The following HDGFL3 variants were observed in gnomAD, a reference collection of about 807,000 sequenced individuals.
The protein encoded by HDGFL3 is HDGF like 3, also known as hepatoma-derived growth factor-related protein 3.
Under a neutral mutation model 27.6 loss-of-function variants are expected in HDGFL3, and 6 were observed. The ratio of observed to expected loss-of-function variants is 0.22; its 90% CI spans 0.12 to 0.43. The LOEUF (loss-of-function observed/expected upper bound fraction) is 0.43. Ranked by LOEUF, HDGFL3 falls within the 20% of genes least tolerant of loss-of-function variation. HDGFL3 has a pLI of 1.00. For missense variants in HDGFL3, 207 were observed against 250.1 expected (o/e 0.83, Z 1.16); for synonymous variants, 88 against 88.9 (o/e 0.99, Z 0.05).
intron 1 of HDGFL3, among the ~76,000 whole-genome samples, chr15:83,167,659 T>C (rs183175338): frequency 2.0e-4 from 31 of 151,948 alleles, no homozygotes; most frequent in African/African-American, 6.0e-4. Flanking sequence ...ATGCCCAACA[T>C]TGGAGCACCC....
At chr15:83,180,459 C>G (rs2037366782) in intron 1 of HDGFL3, among the ~76,000 whole-genome samples, 1 of 151,968 alleles carries the variant, frequency 6.6e-6, no homozygotes, top group Admixed American at 6.6e-5. Context: ...GGGGAAAAAA[C>G]CCTAACATGT....
At chr15:83,205,734 T>C (rs1014461145) in intron 1 of HDGFL3, among the ~76,000 whole-genome samples, 9 of 152,222 alleles carry the variant, frequency 5.9e-5, no homozygotes, top group African/African-American at 2.2e-4. Flanking sequence ...AAGCTATACA[T>C]TTCTTACTTG....
At chr15:83,150,850 AATACTC>A (rs1386684239) in intron 5 of HDGFL3, among the ~76,000 whole-genome samples, 2 of 152,248 alleles carry the variant, frequency 1.3e-5, no homozygotes, top group Admixed American at 1.3e-4. Context: ...AGCAGTATGT[AATACTC>A]TATTTTGAAC....
intron 1 of HDGFL3, chr15:83,169,176 C>A: frequency 4.6e-6 from 2 of 436,316 alleles, no homozygotes; most frequent in South Asian, 1.7e-5. Context: ...CAGGCAAAAA[C>A]TGGAAGCATG....
intron 1 of HDGFL3, among the ~76,000 whole-genome samples, chr15:83,175,240 T>C (rs1421974662): frequency 6.6e-6 from 1 of 152,178 alleles, no homozygotes; most frequent in Admixed American, 6.5e-5. Context: ...CTGGAACAAA[T>C]ATTGTAAAAA....
intron 1 of HDGFL3, among the ~76,000 whole-genome samples, chr15:83,182,433 C>G (rs909000197): frequency 3.3e-5 from 5 of 152,256 alleles, no homozygotes; most frequent in Non-Finnish European, 5.9e-5. Flanking sequence ...CCCAGGTGTC[C>G]TAATGAAAGT....
At chr15:83,171,471 T>C (rs1158708637) in intron 1 of HDGFL3, among the ~76,000 whole-genome samples, 2 of 152,228 alleles carry the variant, frequency 1.3e-5, no homozygotes, top group Non-Finnish European at 1.5e-5. Flanking sequence ...CTATTTATAA[T>C]AGCAAAGATG....
At chr15:83,155,489 T>TA (rs2037016480) in intron 4 of HDGFL3, among the ~76,000 whole-genome samples, 1 of 152,228 alleles carries the variant, frequency 6.6e-6, no homozygotes, top group Admixed American at 6.5e-5. Context: ...AGTAGGTGTT[T>TA]AAATGAAGTC....
chr15:83,182,559 T>C (rs1184217326), intron 1 of HDGFL3, among the ~76,000 whole-genome samples: 1 of 152,158 alleles, frequency 6.6e-6, no homozygotes, highest in African/African-American at 2.4e-5. Context: ...AGAGTACGTA[T>C]TGGATGATTC....
chr15:83,199,947 G>C (rs2037619692), intron 1 of HDGFL3, among the ~76,000 whole-genome samples: 2 of 151,254 alleles, frequency 1.3e-5, no homozygotes, highest in South Asian at 4.2e-4. Context: ...TCAGGAGACT[G>C]AGGCAGAGAA....
chr15:83,185,996 T>C (rs1293568934), intron 1 of HDGFL3: 1 of 152,274 alleles, frequency 6.6e-6, no homozygotes, highest in African/African-American at 2.4e-5. Context: ...AGGCAGGCTC[T>C]GGCCAACATC....
downstream of HDGFL3, among the ~76,000 whole-genome samples, chr15:83,123,262 A>G (rs1242575039): frequency 6.6e-6 from 1 of 152,178 alleles, no homozygotes; most frequent in East Asian, 1.9e-4. Flanking sequence ...TACTACCCCA[A>G]GAGGACACTG....
chr15:83,139,958 AT>A lies in HDGFL3; in HGVS notation c.607-684del, dbSNP rs539838783. ...GGTTCTATTTCCCCAAAAGGATGCT[AT>A]TTTTTCCCCCTCATCATTAACCCAA... On this transcript the variant is annotated intron_variant, in intron 5 of 5. Transcript: ENST00000299633. 2.6e-4 allele frequency among the ~76,000 whole-genome samples: 40 copies of A among 152,164 alleles called. No homozygotes were observed. In the South Asian group the frequency reaches 7.7e-3, roughly 29 times the overall value.
intron 1 of HDGFL3, among the ~76,000 whole-genome samples, chr15:83,165,391 T>C (rs2037157000): frequency 6.6e-6 from 1 of 152,184 alleles, no homozygotes; most frequent in South Asian, 2.1e-4. Context: ...AAATGAATGG[T>C]AGTTTAGAAT....
chr15:83,178,698 G>C (rs1389631074), intron 1 of HDGFL3, among the ~76,000 whole-genome samples: 1 of 152,080 alleles, frequency 6.6e-6, no homozygotes, highest in Non-Finnish European at 1.5e-5. Flanking sequence ...TTCTCATAGA[G>C]CTAAGTTTCT....
intron 1 of HDGFL3, among the ~76,000 whole-genome samples, chr15:83,197,171 T>G (rs990687223): frequency 3.3e-5 from 5 of 152,206 alleles, no homozygotes; most frequent in Admixed American, 2.0e-4. Context: ...ACATCACACA[T>G]AGCATAAGAT....
chr15:83,152,457 T>C (rs913817736), intron 4 of HDGFL3, among the ~76,000 whole-genome samples: 1 of 151,998 alleles, frequency 6.6e-6, no homozygotes, highest in Non-Finnish European at 1.5e-5. Context: ...TCTCAGCACT[T>C]TGGGAGGCTG....
chr15:83,117,978 G>A (rs182364668), intron 3 of HDGFL3, among the ~76,000 whole-genome samples: 58 of 152,256 alleles, frequency 3.8e-4, no homozygotes, highest in Non-Finnish European at 3.7e-4. Flanking sequence ...AAAGTTGATA[G>A]ATTTGCTGAG....
intron 1 of HDGFL3, among the ~76,000 whole-genome samples, chr15:83,191,243 T>C (rs540157976): frequency 5.1e-4 from 78 of 152,326 alleles, no homozygotes; most frequent in Non-Finnish European, 9.9e-4. Flanking sequence ...AGAAATGTCT[T>C]GTTTTGGCTG....
Sources: gnomAD v4.1 joint callset for allele counts (sites outside exome capture counted in the v4.1 genomes callset) on GRCh38, gnomAD v4.1.1 for gene constraint, MANE v1.5 for transcripts, NCBI Gene and HGNC (gene_info 2026-07-23, HGNC 2026-07-21) for gene names.